The following MFF variants were observed in gnomAD, a reference collection of about 807,000 sequenced individuals.
The protein encoded by MFF is mitochondrial fission factor, also known as chromosome 2 open reading frame 33.
In MFF, 12 loss-of-function variants were observed where a neutral mutation model predicts 36.9. That is an observed-to-expected ratio of 0.33 (90% CI 0.21 to 0.53). The LOEUF (loss-of-function observed/expected upper bound fraction) is 0.53, where lower values mean the gene tolerates loss of function less well. Among genes scored for constraint, MFF ranks in the 20% least tolerant of loss-of-function variants. The probability of loss-of-function intolerance (pLI) is 0.95; values close to 1 mark genes in which losing one functional copy is unlikely to be tolerated. For missense variants in MFF, 348 were observed against 366.6 expected (o/e 0.95, Z 0.42); for synonymous variants, 99 against 126.2 (o/e 0.78, Z 1.44).
Position 227,332,577 on chromosome 2 carries a change from C to CA in MFF, c.344dup (p.Asn115LysfsTer2). 6.2e-7 allele frequency: 1 copy of CA among 1,607,622 alleles called. No homozygotes were observed. Among genetic ancestry groups the CA allele is most frequent in the Non-Finnish European group, 8.5e-7 (1 of 1,177,176 alleles). The stretch of plus-strand genomic sequence containing the variant: ...TTTAGAAAGACCTCCTACAACCCCT[C>CA]AAAATGAAGAAGTAAGTAGAACTTT... On this transcript the variant is annotated frameshift_variant, in exon 4 of 9. Transcript: ENST00000304593. LOFTEE classifies it high-confidence loss of function.
rs115596887 is a variant in MFF at position 227,355,571 on chromosome 2, A to G, written c.660-106A>G. On this transcript the variant is annotated intron_variant, in intron 7 of 8. Transcript: ENST00000304593. ...TTAGTAATTCATATTATTAAGTACC[A>G]ATTTTCTGAATACTACTTTGAGCAT... 3.0e-3 allele frequency: 1,742 copies of G among 575,384 alleles called. 26 individuals carry two copies. In the African/African-American group the frequency reaches 0.031, roughly 10 times the overall value. The allele number at this position is 575,384 out of a possible 1,614,324, so 35.6% of individuals were successfully genotyped here.
At chr2:227,342,026 AATAAC>A (rs2075422133) in intron 5 of MFF, among the ~76,000 whole-genome samples, 2 of 152,128 alleles carry the variant, frequency 1.3e-5, no homozygotes, top group South Asian at 2.1e-4. Context: ...GTATTTACTC[AATAAC>A]ATAAGTTCCT....
Position 227,341,005 on chromosome 2 carries a change from A to C in MFF, c.440+625A>C, listed in dbSNP as rs999290261. 8.8e-4 allele frequency among the ~76,000 whole-genome samples: 5 copies of C among 5,698 alleles called. No homozygotes were observed. In the Non-Finnish European group the frequency reaches 9.6e-3, roughly 11 times the overall value. 3.7% of individuals were successfully genotyped at this position (5,698 alleles called of 152,430 possible). The stretch of plus-strand genomic sequence containing the variant: ...TATAAATTAATATTTCTTCCTCATT[A>C]ATGTTTTGGCCAATTTTCGTAAACT... On this transcript the variant is annotated intron_variant, in intron 5 of 8. Coordinates refer to ENST00000304593, the MANE Select transcript of MFF (RefSeq NM_001277062.2).
chr2:227,356,394 C>G (rs2076258693), intron 8 of MFF, among the ~76,000 whole-genome samples: 1 of 152,132 alleles, frequency 6.6e-6, no homozygotes, highest in South Asian at 2.1e-4. Flanking sequence ...ACAGTAAGGG[C>G]TAACAGCAAG....
intron 3 of MFF, among the ~76,000 whole-genome samples, chr2:227,331,598 C>A (rs1057245763): frequency 6.6e-6 from 1 of 152,226 alleles, no homozygotes; most frequent in African/African-American, 2.4e-5. Flanking sequence ...AATTCTTGTA[C>A]TATGTTGCAT....
chr2:227,330,547 G>A lies in MFF; in HGVS notation c.-40-79G>A, dbSNP rs115539914. 1,488 of 895,712 alleles carry A rather than the reference G, an allele frequency of 1.7e-3. 17 individuals carry two copies. In the African/African-American group the frequency reaches 0.028, roughly 17 times the overall value. The allele number at this position is 895,712 out of a possible 1,614,324, so 55.5% of individuals were successfully genotyped here. On this transcript the variant is annotated intron_variant, in intron 2 of 8. Coordinates refer to ENST00000304593, the MANE Select transcript of MFF (RefSeq NM_001277062.2). Reference sequence around the variant, plus strand: ...AGTTTCCTTTCGCTCTTTCTATAAGGTATTGTCTTCTAACTTCACTGCGTA... The same window carrying A: ...AGTTTCCTTTCGCTCTTTCTATAAGATATTGTCTTCTAACTTCACTGCGTA...
At position 227,347,213 on chromosome 2, in the gene MFF, C is replaced by T; in HGVS notation, c.441-13C>T. ...AGTGTTTTTCTCTTCATTTGCTGTG[C>T]TTGTGTAAACAGTGTGACACCATCG... On this transcript the variant is annotated splice_polypyrimidine_tract_variant and intron_variant, in intron 5 of 8. Transcript: ENST00000304593. 1 of 1,606,396 alleles carries T rather than the reference C, an allele frequency of 6.2e-7. No homozygotes were observed. The highest frequency in any genetic ancestry group is 1.1e-5 in the South Asian group (1 of 90,638).
chr2:227,331,849 GTT>G (rs2106350671), intron 3 of MFF, among the ~76,000 whole-genome samples: 1 of 150,172 alleles, frequency 6.7e-6, no homozygotes, highest in East Asian at 2.0e-4. Flanking sequence ...TGTTGTAAGA[GTT>G]TTAAATATTC....
chr2:227,356,081 A>T (rs1056147787), intron 8 of MFF, among the ~76,000 whole-genome samples: 1 of 152,222 alleles, frequency 6.6e-6, no homozygotes, highest in Non-Finnish European at 1.5e-5. Flanking sequence ...ACTGTGTTTA[A>T]TAACTCCATT....
At chr2:227,346,779 A>G (rs2075736560) in intron 5 of MFF, 1 of 140,910 alleles carries the variant, frequency 7.1e-6, no homozygotes, top group Non-Finnish European at 1.5e-5. Flanking sequence ...ATGGAATCAC[A>G]CTTTTGATTC....
intron 4 of MFF, among the ~76,000 whole-genome samples, chr2:227,335,529 A>G (rs1475776680): frequency 1.3e-5 from 2 of 152,244 alleles, no homozygotes; most frequent in Non-Finnish European, 2.9e-5. Flanking sequence ...TTTAAAATAA[A>G]AAAGAAAATA....
At chr2:227,347,993 AT>A (rs58152077) in intron 6 of MFF, among the ~76,000 whole-genome samples, 2 of 151,958 alleles carry the variant, frequency 1.3e-5, no homozygotes, top group African/African-American at 4.8e-5. Context: ...CATACAAATA[AT>A]TTTTTTGCAG....
At chr2:227,352,598 C>G in intron 7 of MFF, 25 bp downstream of exon 7, 1 of 1,442,860 alleles carries the variant, frequency 6.9e-7, no homozygotes, top group Non-Finnish European at 9.3e-7. Context: ...TTCGTAATTA[C>G]CAGGGTAAAT....
intron 5 of MFF, among the ~76,000 whole-genome samples, chr2:227,341,470 G>T (rs187424606): frequency 6.6e-6 from 1 of 152,048 alleles, no homozygotes; most frequent in Admixed American, 6.5e-5. Flanking sequence ...ATTCTGAAAG[G>T]CTGTGTAGGA....
chr2:227,354,573 ATG>A (rs1231480497), intron 7 of MFF, among the ~76,000 whole-genome samples: 1 of 152,256 alleles, frequency 6.6e-6, no homozygotes, highest in Non-Finnish European at 1.5e-5. Context: ...AAATTTTAAA[ATG>A]TGGAAATCCA....
intron 5 of MFF, among the ~76,000 whole-genome samples, chr2:227,345,460 G>T (rs1036263320): frequency 2.0e-5 from 3 of 152,190 alleles, no homozygotes; most frequent in Non-Finnish European, 2.9e-5. Flanking sequence ...GGCAAAGTAC[G>T]GATTTGTCCT....
intron 8 of MFF, among the ~76,000 whole-genome samples, chr2:227,356,189 A>AT (rs1308031485): frequency 6.6e-6 from 1 of 152,162 alleles, no homozygotes; most frequent in African/African-American, 2.4e-5. Context: ...GCACATGCAT[A>AT]TTTTTTAATA....
chr2:227,356,527 C>G (rs1350748808), intron 8 of MFF, among the ~76,000 whole-genome samples: 1 of 152,088 alleles, frequency 6.6e-6, no homozygotes, highest in African/African-American at 2.4e-5. Context: ...GTCTCAGTAA[C>G]TCAGAGGTGG....
intron 4 of MFF, among the ~76,000 whole-genome samples, chr2:227,333,925 T>G (rs929370016): frequency 6.6e-6 from 1 of 152,204 alleles, no homozygotes; most frequent in African/African-American, 2.4e-5. Context: ...TGAAGAAAGT[T>G]TGCCGGGATT....
Sources: allele counts gnomAD v4.1 joint callset (sites outside exome capture counted in the v4.1 genomes callset), GRCh38; gene constraint gnomAD v4.1.1; transcripts MANE v1.5; gene names NCBI Gene and HGNC (gene_info 2026-07-23, HGNC 2026-07-21).